The following SAP130 variants were observed in gnomAD, a reference collection of about 807,000 sequenced individuals.
SAP130 encodes Sin3A associated protein 130.
A neutral mutation model predicts 103.2 loss-of-function variants in SAP130; 16 were observed. The observed-to-expected ratio is 0.16, with a 90% confidence interval of 0.10 to 0.24. The LOEUF (loss-of-function observed/expected upper bound fraction) is 0.24. SAP130 is among the 10% of genes least tolerant of loss of function. SAP130 has a pLI of 1.00. For synonymous variants in SAP130, 477 were observed against 497.0 expected (o/e 0.96, Z 0.53); for missense variants, 990 against 1,359.7 (o/e 0.73, Z 4.28).
intron 6 of SAP130, among the ~76,000 whole-genome samples, chr2:128,012,313 T>C (rs1351538831): frequency 6.6e-6 from 1 of 151,926 alleles, no homozygotes; most frequent in African/African-American, 2.4e-5. Context: ...CTACTAAAAG[T>C]ATAAAAATTA....
At chr2:127,990,771 T>A (rs559374784) in intron 12 of SAP130, among the ~76,000 whole-genome samples, 1 of 151,864 alleles carries the variant, frequency 6.6e-6, no homozygotes, top group Non-Finnish European at 1.5e-5. Flanking sequence ...CAAGACCCTA[T>A]CTCTATAAAA....
chr2:127,982,317 GAGA>G (rs1352192366), intron 14 of SAP130, among the ~76,000 whole-genome samples: 5 of 152,162 alleles, frequency 3.3e-5, no homozygotes, highest in Non-Finnish European at 7.3e-5. Flanking sequence ...GAGAGAGGGG[GAGA>G]AGAACTAGAG....
intron 17 of SAP130, 56 bp downstream of exon 17, chr2:127,950,104 T>A: frequency 1.2e-6 from 2 of 1,610,860 alleles, no homozygotes; most frequent in South Asian, 1.1e-5. Context: ...AGCCTCTGGG[T>A]TGGACTCTGA....
intron 12 of SAP130, 136 bp downstream of exon 12, chr2:127,993,051 C>T (rs1450747803): frequency 8.7e-7 from 1 of 1,146,810 alleles, no homozygotes. Flanking sequence ...GACCTTCAAG[C>T]TTCACATTTT....
chr2:127,987,385 C>T (rs962137511), intron 13 of SAP130, among the ~76,000 whole-genome samples: 7 of 151,962 alleles, frequency 4.6e-5, no homozygotes, highest in South Asian at 2.1e-4. Context: ...GGGGTTTCAC[C>T]GTGTTGGCCA....
At chr2:128,003,769 G>A (rs1004074920) in intron 7 of SAP130, among the ~76,000 whole-genome samples, 2 of 151,828 alleles carry the variant, frequency 1.3e-5, no homozygotes, top group African/African-American at 2.4e-5. Context: ...TATCTAAAAC[G>A]TTTGAGATGA....
Position 127,950,227 on chromosome 2 carries a change from C to A in SAP130, c.2604G>T (p.Glu868Asp), listed in dbSNP as rs1296276265. The part of the protein sequence containing the change: ...DMMETNSTDD[E>D]KSTAKSLLVK... ...CCAGAAGACTCTTGGCAGTGGACTT[C>A]TCATCATCAGTGCTGTTTGTCTCCA... is the stretch of plus-strand genomic sequence containing the variant. Residue 868 changes from glutamate (E) to aspartate (D), a missense_variant, in exon 17 of 21, where the codon GAG becomes GAT. Transcript: ENST00000643581. 6 of 1,614,104 alleles carry A rather than the reference C, an allele frequency of 3.7e-6. No homozygotes were observed. In the Admixed American group the frequency reaches 6.7e-5, roughly 18 times the overall value.
At chr2:127,982,815 G>A (rs1414829023) in intron 14 of SAP130, among the ~76,000 whole-genome samples, 1 of 152,198 alleles carries the variant, frequency 6.6e-6, no homozygotes, top group Non-Finnish European at 1.5e-5. Context: ...GAAGAGCAGA[G>A]AAAGAGGCCA....
chr2:127,949,642 A>AT (rs1679355390), intron 18 of SAP130, among the ~76,000 whole-genome samples: 1 of 152,228 alleles, frequency 6.6e-6, no homozygotes, highest in Admixed American at 6.5e-5. Flanking sequence ...TCACTTAACC[A>AT]TTAAACTGCA....
intron 7 of SAP130, among the ~76,000 whole-genome samples, chr2:128,002,676 G>T (rs185694629): frequency 5.0e-4 from 76 of 152,226 alleles, no homozygotes; most frequent in African/African-American, 1.7e-3. Context: ...GAACTTGGGT[G>T]TTCTACTCTC....
intron 19 of SAP130, among the ~76,000 whole-genome samples, chr2:127,943,957 T>G (rs1678883383): frequency 6.6e-6 from 1 of 152,262 alleles, no homozygotes; most frequent in African/African-American, 2.4e-5. Flanking sequence ...AAAACACATA[T>G]TGTTGGACAA....
At chr2:127,985,848 A>T (rs1682342657) in intron 14 of SAP130, among the ~76,000 whole-genome samples, 1 of 151,586 alleles carries the variant, frequency 6.6e-6, no homozygotes, top group African/African-American at 2.4e-5. Context: ...GGACGTCAAG[A>T]GGAACGCATT....
intron 7 of SAP130, among the ~76,000 whole-genome samples, chr2:128,003,639 G>A (rs909537323): frequency 6.6e-6 from 1 of 151,714 alleles, no homozygotes; most frequent in Non-Finnish European, 1.5e-5. Context: ...ATTTAACATC[G>A]ACAGGTCCAT....
chr2:128,015,818 G>A (rs561515114), intron 4 of SAP130, among the ~76,000 whole-genome samples: 1 of 151,848 alleles, frequency 6.6e-6, no homozygotes, highest in East Asian at 1.9e-4. Context: ...GTGCCCGCTT[G>A]TAATCCTAGC....
intron 2 of SAP130, among the ~76,000 whole-genome samples, chr2:128,023,743 C>T (rs1267918954): frequency 1.3e-5 from 2 of 152,152 alleles, no homozygotes; most frequent in African/African-American, 2.4e-5. Flanking sequence ...TGCTACTGCA[C>T]TCCAGCCTGG....
chr2:127,969,499 T>C (rs1474467307), intron 15 of SAP130, among the ~76,000 whole-genome samples: 1 of 152,214 alleles, frequency 6.6e-6, no homozygotes, highest in Non-Finnish European at 1.5e-5. Flanking sequence ...CAATGCAATC[T>C]GGAAACAGGT....
intron 2 of SAP130, 41 bp from the exon 3 acceptor site, chr2:128,017,956 C>G: frequency 6.6e-7 from 1 of 1,513,506 alleles, no homozygotes; most frequent in Non-Finnish European, 9.1e-7. Context: ...GTCACAGTCT[C>G]CCAGTGTAAG....
intron 14 of SAP130, among the ~76,000 whole-genome samples, chr2:127,981,277 G>A (rs369051714): frequency 2.6e-5 from 4 of 151,160 alleles, no homozygotes; most frequent in African/African-American, 4.9e-5. Context: ...ACCTGTACCC[G>A]ACTCAGCACT....
intron 18 of SAP130, 124 bp downstream of exon 18, chr2:127,949,745 T>G: frequency 9.7e-7 from 1 of 1,031,754 alleles, no homozygotes; most frequent in Non-Finnish European, 1.4e-6. Context: ...AGCCTCAAGA[T>G]TTTGTAACAA....
Sources: gnomAD v4.1 joint callset for allele counts (sites outside exome capture counted in the v4.1 genomes callset) on GRCh38, gnomAD v4.1.1 for gene constraint, MANE v1.5 for transcripts, NCBI Gene and HGNC (gene_info 2026-07-23, HGNC 2026-07-21) for gene names.